Variants in SPTLC2 observed in about 807,000 individuals in gnomAD.
The protein encoded by SPTLC2 is serine palmitoyltransferase 2.
Under a neutral mutation model 62.0 loss-of-function variants are expected in SPTLC2, and 21 were observed. The ratio of observed to expected loss-of-function variants is 0.34; its 90% CI spans 0.24 to 0.49. The LOEUF (loss-of-function observed/expected upper bound fraction) is 0.49. Among genes scored for constraint, SPTLC2 ranks in the 20% least tolerant of loss-of-function variants. SPTLC2 has a pLI of 0.99. For synonymous variants in SPTLC2, 261 were observed against 261.8 expected (o/e 1.00, Z 0.03); for missense variants, 511 against 713.0 (o/e 0.72, Z 3.23).
At chr14:77,544,221 AC>A (rs2079516824) in intron 9 of SPTLC2, among the ~76,000 whole-genome samples, 1 of 152,086 alleles carries the variant, frequency 6.6e-6, no homozygotes, top group African/African-American at 2.4e-5. Flanking sequence ...TGTCACCCAG[AC>A]TGGTCTCAAA....
intron 1 of SPTLC2, among the ~76,000 whole-genome samples, chr14:77,598,178 T>C (rs1396572664): frequency 6.7e-6 from 1 of 149,932 alleles, no homozygotes; most frequent in Non-Finnish European, 1.5e-5. Context: ...CACTAAGAGA[T>C]AAGCAGGGCT....
intron 5 of SPTLC2, among the ~76,000 whole-genome samples, chr14:77,564,463 A>C (rs1448450540): frequency 1.3e-5 from 2 of 150,448 alleles, no homozygotes; most frequent in Non-Finnish European, 3.0e-5. Flanking sequence ...ATGTGTGTGT[A>C]TGCATGAGTT....
At chr14:77,592,726 A>AT (rs1201278433) in intron 2 of SPTLC2, among the ~76,000 whole-genome samples, 4 of 151,968 alleles carry the variant, frequency 2.6e-5, no homozygotes, top group Non-Finnish European at 4.4e-5. Context: ...CCAATGGGTT[A>AT]TTTTTTCTAA....
chr14:77,575,712 T>C (rs2079711779), intron 4 of SPTLC2, among the ~76,000 whole-genome samples: 1 of 152,192 alleles, frequency 6.6e-6, no homozygotes, highest in Non-Finnish European at 1.5e-5. Context: ...ATCTTTATTT[T>C]TTTAGAGAAC....
intron 1 of SPTLC2, among the ~76,000 whole-genome samples, chr14:77,613,281 T>C (rs958322886): frequency 6.6e-6 from 1 of 152,166 alleles, no homozygotes; most frequent in Non-Finnish European, 1.5e-5. Flanking sequence ...TACAAAGAGA[T>C]AAAGGACTGA....
intron 11 of SPTLC2, among the ~76,000 whole-genome samples, chr14:77,517,380 C>T (rs1435127153): frequency 6.6e-6 from 1 of 152,116 alleles, no homozygotes; most frequent in African/African-American, 2.4e-5. Context: ...AAATCTTAGA[C>T]TTGCAACAAT....
Position 77,511,091 on chromosome 14 carries a change from C to G in SPTLC2, c.*1193G>C, listed in dbSNP as rs532533522. ...CAGAAAAAAATAAAAAATATGTAGA[C>G]AGGCAGACCCTAGCCCCAGATGCCA... On this transcript the variant is annotated 3_prime_UTR_variant, in exon 12 of 12. Transcript: ENST00000216484. The G allele has an allele frequency of 3.3e-5, 5 of 152,284 alleles. No homozygotes were observed. In the East Asian group the frequency reaches 7.7e-4, roughly 23 times the overall value. The allele number at this position is 152,284 out of a possible 1,614,324, so 9.4% of individuals were successfully genotyped here. A position where few individuals can be genotyped will look rare whatever the true frequency, so the allele number is the denominator to read the frequency against.
At chr14:77,614,663 C>A (rs201623449) in intron 1 of SPTLC2, among the ~76,000 whole-genome samples, 1 of 143,838 alleles carries the variant, frequency 7.0e-6, no homozygotes, top group African/African-American at 2.6e-5. Context: ...GACTCCATCT[C>A]AAAAAAAACC....
At chr14:77,615,144 A>G (rs115522373) in intron 1 of SPTLC2, among the ~76,000 whole-genome samples, 3,767 of 152,332 alleles carry the variant, frequency 0.025, 155 homozygotes, top group African/African-American at 0.087. Flanking sequence ...TCCACTGCTT[A>G]TAATGAGCTG....
chr14:77,563,832 TA>T (rs1412612802), intron 5 of SPTLC2, among the ~76,000 whole-genome samples: 1 of 152,250 alleles, frequency 6.6e-6, no homozygotes, highest in Non-Finnish European at 1.5e-5. Flanking sequence ...TATACATGCT[TA>T]TTTATTACAG....
At chr14:77,605,354 T>C (rs2079899764) in intron 1 of SPTLC2, among the ~76,000 whole-genome samples, 2 of 151,932 alleles carry the variant, frequency 1.3e-5, no homozygotes, top group Non-Finnish European at 1.5e-5. Flanking sequence ...CAACAAAAAT[T>C]CAAAAAATAA....
At chr14:77,541,942 A>G (rs1566774379) in intron 9 of SPTLC2, among the ~76,000 whole-genome samples, 1 of 152,146 alleles carries the variant, frequency 6.6e-6, no homozygotes, top group Non-Finnish European at 1.5e-5. Context: ...CTGTAGTCCC[A>G]GCTACTCAGG....
chr14:77,576,687 C>T, intron 4 of SPTLC2, 80 bp downstream of exon 4: 1 of 1,583,214 alleles, frequency 6.3e-7, no homozygotes, highest in Non-Finnish European at 8.7e-7. Context: ...ATTTAATACT[C>T]TAGGTCAATA....
intron 2 of SPTLC2, among the ~76,000 whole-genome samples, chr14:77,581,155 T>G (rs2079748060): frequency 6.6e-6 from 1 of 152,228 alleles, no homozygotes. Context: ...CCATTAGATC[T>G]GGGCTTGGTG....
intron 9 of SPTLC2, among the ~76,000 whole-genome samples, chr14:77,534,957 C>T (rs569186383): frequency 1.8e-4 from 28 of 151,588 alleles, no homozygotes; most frequent in Middle Eastern, 3.4e-3. Flanking sequence ...GATGGAGTTT[C>T]GCTCTTGTTG....
chr14:77,582,920 T>C (rs1008406878), intron 2 of SPTLC2, among the ~76,000 whole-genome samples: 1 of 152,136 alleles, frequency 6.6e-6, no homozygotes, highest in African/African-American at 2.4e-5. Flanking sequence ...TTGATAGGCA[T>C]GGCTGGGCGC....
chr14:77,586,078 C>CT (rs57174185), intron 2 of SPTLC2, among the ~76,000 whole-genome samples: 19,422 of 137,296 alleles, frequency 0.14, 1,736 homozygotes, highest in Admixed American at 0.21. Flanking sequence ...TTTCTTTTTT[C>CT]TTTTTTTTTT....
Position 77,510,036 on chromosome 14 carries a change from T to G in SPTLC2, c.*2248A>C, listed in dbSNP as rs540219269. On this transcript the variant is annotated 3_prime_UTR_variant, in exon 12 of 12. Coordinates refer to ENST00000216484, the MANE Select transcript of SPTLC2 (RefSeq NM_004863.4). ...TTACATTAGTAAATAGTAACTGCAG[T>G]GCAAAAGCTATGTGGTATTCCAGTG... is the stretch of plus-strand genomic sequence containing the variant. 1.3e-5 allele frequency: 5 copies of G among 397,462 alleles called. No homozygotes were observed. The highest frequency in any genetic ancestry group is 2.2e-5 in the Non-Finnish European group (5 of 225,528). The allele number at this position is 397,462 out of a possible 1,614,324, so 24.6% of individuals were successfully genotyped here. A position where few individuals can be genotyped will look rare whatever the true frequency, so the allele number is the denominator to read the frequency against.
At chr14:77,575,588 G>A (rs1324517095) in intron 4 of SPTLC2, among the ~76,000 whole-genome samples, 1 of 152,218 alleles carries the variant, frequency 6.6e-6, no homozygotes, top group Non-Finnish European at 1.5e-5. Context: ...CTAGGGTGCA[G>A]TAGCACGATC....
Sources: gnomAD v4.1 joint callset for allele counts (sites outside exome capture counted in the v4.1 genomes callset) on GRCh38, gnomAD v4.1.1 for gene constraint, MANE v1.5 for transcripts, NCBI Gene and HGNC (gene_info 2026-07-23, HGNC 2026-07-21) for gene names.